Variants in ADAMTS3 observed in about 807,000 individuals in gnomAD.
ADAMTS3 encodes the protein A disintegrin and metalloproteinase with thrombospondin motifs 3.
In ADAMTS3, 73 loss-of-function variants were observed where a neutral mutation model predicts 129.0. That is an observed-to-expected ratio of 0.57 (90% CI 0.47 to 0.69). ADAMTS3 has a LOEUF of 0.69. Among genes scored for constraint, ADAMTS3 ranks in the 30% least tolerant of loss-of-function variants. ADAMTS3 has a pLI of 0.00. For missense variants in ADAMTS3, 1,457 were observed against 1,514.5 expected (o/e 0.96, Z 0.63); for synonymous variants, 477 against 510.8 (o/e 0.93, Z 0.89).
At position 72,399,777 on chromosome 4, in the gene ADAMTS3, G is replaced by T; in HGVS notation, c.661+15038C>A. 1.4e-5 allele frequency among the ~76,000 whole-genome samples: 2 copies of T among 147,582 alleles called. 1 individual carries two copies. The highest frequency in any genetic ancestry group is 3.0e-5 in the Non-Finnish European group (2 of 67,112). On this transcript the variant is annotated intron_variant, in intron 4 of 21. Transcript: ENST00000286657. ...TATGTGTGTATATATATACACACAC[G>T]GTGTGTACGCATATGTGTGTATATA... is the stretch of plus-strand genomic sequence containing the variant.
rs535495853 is a variant in ADAMTS3 at position 72,335,913 on chromosome 4, T to A, written c.861+3581A>T. ...TTTATATTCATTTGTTCTTCTTTCA[T>A]TAAATATACATTTAACACTTAATAT... On this transcript the variant is annotated intron_variant, in intron 5 of 21. Coordinates refer to ENST00000286657, the MANE Select transcript of ADAMTS3 (RefSeq NM_014243.3). Among the ~76,000 whole-genome samples the A allele has an allele frequency of 4.6e-5, 7 of 152,296 alleles. No homozygotes were observed. The East Asian group carries it at 1.2e-3, about 25-fold the overall frequency.
At chr4:72,283,900 C>T (rs570925943) in intron 21 of ADAMTS3, among the ~76,000 whole-genome samples, 196 bp from the exon 22 acceptor site, 9 of 152,086 alleles carry the variant, frequency 5.9e-5, no homozygotes, top group Non-Finnish European at 1.3e-4. Flanking sequence ...TCTTTGTCTA[C>T]AAAGTCCTTG....
At chr4:72,384,374 AT>A (rs1306503964) in intron 4 of ADAMTS3, among the ~76,000 whole-genome samples, 1 of 152,224 alleles carries the variant, frequency 6.6e-6, no homozygotes, top group Admixed American at 6.5e-5. Flanking sequence ...TTTTAGTCAC[AT>A]TGTTAAAACC....
intron 4 of ADAMTS3, among the ~76,000 whole-genome samples, chr4:72,409,360 A>C (rs1722130619): frequency 6.6e-6 from 1 of 152,154 alleles, no homozygotes; most frequent in South Asian, 2.1e-4. Flanking sequence ...TTAATTTAAG[A>C]ATCAAGATCT....
In ADAMTS3 at chr4:72,397,429, G is replaced by A. The variant is rs118092416; in HGVS notation, c.661+17386C>T. ...AAGTACAATAAATTAGCCAGGTGCC[G>A]TGGCGGGTGCTTGTAATCCCAGCTA... is the stretch of plus-strand genomic sequence containing the variant. On this transcript the variant is annotated intron_variant, in intron 4 of 21. Coordinates refer to ENST00000286657, the MANE Select transcript of ADAMTS3 (RefSeq NM_014243.3). Among the ~76,000 whole-genome samples the A allele has an allele frequency of 1.2e-4, 19 of 152,114 alleles. No homozygotes were observed. The East Asian group carries it at 1.9e-3, about 15-fold the overall frequency.
chr4:72,521,757 T>C (rs1480868635), intron 3 of ADAMTS3, among the ~76,000 whole-genome samples: 1 of 150,450 alleles, frequency 6.6e-6, no homozygotes, highest in African/African-American at 2.5e-5. Flanking sequence ...AAGTTAATCA[T>C]ATCTCTTAAT....
chr4:72,379,545 T>A (rs1229800306), intron 4 of ADAMTS3, among the ~76,000 whole-genome samples: 2 of 152,088 alleles, frequency 1.3e-5, no homozygotes, highest in African/African-American at 2.4e-5. Flanking sequence ...AGAAATAAGT[T>A]CAAGTCAATC....
intron 3 of ADAMTS3, among the ~76,000 whole-genome samples, chr4:72,475,602 A>G (rs952040816): frequency 7.2e-5 from 11 of 152,190 alleles, no homozygotes; most frequent in Admixed American, 5.2e-4. Context: ...CTAAACAGCT[A>G]GACAAAAAAT....
intron 3 of ADAMTS3, among the ~76,000 whole-genome samples, chr4:72,496,774 A>G (rs986421733): frequency 3.9e-5 from 6 of 151,990 alleles, no homozygotes; most frequent in African/African-American, 1.4e-4. Flanking sequence ...CTTTACATGG[A>G]CTTTTGTCCT....
At chr4:72,402,523 A>C (rs546039620) in intron 4 of ADAMTS3, among the ~76,000 whole-genome samples, 113 of 152,268 alleles carry the variant, frequency 7.4e-4, no homozygotes, top group African/African-American at 2.7e-3. Context: ...TATCTCTAAT[A>C]AGTGCTTTAG....
At chr4:72,515,225 C>T (rs1353492763) in intron 3 of ADAMTS3, among the ~76,000 whole-genome samples, 1 of 151,996 alleles carries the variant, frequency 6.6e-6, no homozygotes, top group African/African-American at 2.4e-5. Context: ...TTTCTTAATC[C>T]ACTCTATCAT....
intron 4 of ADAMTS3, among the ~76,000 whole-genome samples, chr4:72,344,578 T>C (rs991540759): frequency 6.6e-6 from 1 of 152,124 alleles, no homozygotes; most frequent in Non-Finnish European, 1.5e-5. Context: ...GACTAAGGGT[T>C]ACATGTGACT....
At chr4:72,456,746 G>A (rs1220161695) in intron 3 of ADAMTS3, among the ~76,000 whole-genome samples, 1 of 151,412 alleles carries the variant, frequency 6.6e-6, no homozygotes, top group East Asian at 2.0e-4. Flanking sequence ...TGCATACTAT[G>A]CTGCACAGAA....
At chr4:72,457,834 T>C (rs1009877405) in intron 3 of ADAMTS3, among the ~76,000 whole-genome samples, 6 of 148,244 alleles carry the variant, frequency 4.0e-5, no homozygotes, top group African/African-American at 1.5e-4. Flanking sequence ...TACCCTTCTT[T>C]CATACTCTCT....
Position 72,283,618 on chromosome 4 carries a change from A to G in ADAMTS3, c.3136T>C (p.Cys1046Arg), listed in dbSNP as rs766093860. 2 of 1,614,048 alleles carry G rather than the reference A, an allele frequency of 1.2e-6. No homozygotes were observed. The highest frequency in any genetic ancestry group is 1.7e-6 in the Non-Finnish European group (2 of 1,179,956). Residue 1046 changes from cysteine to arginine, a missense_variant, in exon 22 of 22, where the codon TGT (cysteine) becomes CGT (arginine). Transcript: ENST00000286657. ...YCSIPGYNKL[C>R]CESCSKRSST... ...CTGCGCTTGCTGCAGGACTCACAACATAACTTGTTATAACCTGGTATGGAG... is the reference window on the plus strand; with the variant it reads ...CTGCGCTTGCTGCAGGACTCACAACGTAACTTGTTATAACCTGGTATGGAG...
At chr4:72,392,915 A>ATTTTTTTTTTTTTTTTTTTTTTTTTTTTT (rs36046621) in intron 4 of ADAMTS3, among the ~76,000 whole-genome samples, 1 of 139,852 alleles carries the variant, frequency 7.2e-6, no homozygotes. Context: ...TACCCATCGG[A>ATTTTTTTTTTTTTTTTTTTTTTTTTTTTT]TTTTTTTTTT....
intron 3 of ADAMTS3, among the ~76,000 whole-genome samples, chr4:72,447,450 C>T (rs991019205): frequency 4.6e-5 from 7 of 151,702 alleles, no homozygotes; most frequent in African/African-American, 1.7e-4. Flanking sequence ...ACTCTCTGAA[C>T]AGAATGTCAG....
chr4:72,560,541 T>C (rs778060668), intron 2 of ADAMTS3, among the ~76,000 whole-genome samples: 15 of 152,116 alleles, frequency 9.9e-5, no homozygotes, highest in Non-Finnish European at 1.9e-4. Flanking sequence ...TGCAGGAACA[T>C]GGATGGAGCT....
intron 2 of ADAMTS3, among the ~76,000 whole-genome samples, chr4:72,562,608 T>C (rs1721928699): frequency 6.6e-6 from 1 of 152,140 alleles, no homozygotes; most frequent in Admixed American, 6.5e-5. Flanking sequence ...GTGTGTGTAC[T>C]GAAAGAAGTT....
Sources: gnomAD v4.1 joint callset for allele counts (sites outside exome capture counted in the v4.1 genomes callset) on GRCh38, gnomAD v4.1.1 for gene constraint, MANE v1.5 for transcripts, NCBI Gene and HGNC (gene_info 2026-07-23, HGNC 2026-07-21) for gene names.